Variants in CIP2A observed in about 807,000 individuals in gnomAD.
CIP2A encodes protein CIP2A.
In CIP2A, 103 loss-of-function variants were observed where a neutral mutation model predicts 110.9. That is an observed-to-expected ratio of 0.93 (90% CI 0.79 to 1.09). CIP2A has a LOEUF of 1.09. Ranked by LOEUF, CIP2A falls within the 50% of genes least tolerant of loss-of-function variation. CIP2A has a pLI of 0.00. For missense variants in CIP2A, 1,088 were observed against 1,038.4 expected (o/e 1.05, Z -0.66); for synonymous variants, 381 against 361.6 (o/e 1.05, Z -0.61).
intron 5 of CIP2A, among the ~76,000 whole-genome samples, chr3:108,581,043 T>C (rs756415530): frequency 2.0e-5 from 3 of 152,234 alleles, no homozygotes; most frequent in Non-Finnish European, 2.9e-5. Flanking sequence ...GGGGTTGCCA[T>C]TGATTTTGTG....
intron 13 of CIP2A, 136 bp from the exon 14 acceptor site, chr3:108,560,977 G>A (rs780900279): frequency 1.1e-5 from 6 of 541,006 alleles, no homozygotes; most frequent in East Asian, 3.1e-5. Flanking sequence ...TGGAGACCAT[G>A]ATGAAATGAA....
At chr3:108,585,342 T>C in intron 1 of CIP2A, 130 bp from the exon 2 acceptor site, 2 of 791,560 alleles carry the variant, frequency 2.5e-6, no homozygotes, top group Non-Finnish European at 3.9e-6. Context: ...TCACACATGC[T>C]GTGAAAAATT....
intron 8 of CIP2A, among the ~76,000 whole-genome samples, chr3:108,570,325 T>G (rs1347551346): frequency 6.6e-6 from 1 of 152,162 alleles, no homozygotes; most frequent in Non-Finnish European, 1.5e-5. Context: ...TTAATCAACT[T>G]GATAGTATCT....
rs1293000324 is a variant in CIP2A, at chr3:108,589,412, C to G, written c.-37G>C. The G allele has an allele frequency of 7.5e-6, 11 of 1,474,332 alleles. No individual in the cohort carries two copies. The highest frequency in any genetic ancestry group is 1.0e-5 in the Non-Finnish European group (11 of 1,063,958). 91.3% of individuals were successfully genotyped at this position (1,474,332 alleles called of 1,614,324 possible). Reference sequence around the variant, plus strand: ...CGGCCCGGCTTAGGGACCACCACCGCCCAGCGTGCGCCGGCCTTTAGCTTT... The same window carrying G: ...CGGCCCGGCTTAGGGACCACCACCGGCCAGCGTGCGCCGGCCTTTAGCTTT... On this transcript the variant is annotated 5_prime_UTR_variant, in exon 1 of 21. Transcript: ENST00000295746.
At chr3:108,562,421 C>T (rs886796192) in intron 13 of CIP2A, among the ~76,000 whole-genome samples, 12 of 152,024 alleles carry the variant, frequency 7.9e-5, no homozygotes, top group African/African-American at 2.7e-4. Flanking sequence ...TTTGCTGATC[C>T]CGGTATACAG....
At chr3:108,585,000 C>T in intron 2 of CIP2A, 65 bp downstream of exon 2, 1 of 1,423,140 alleles carries the variant, frequency 7.0e-7, no homozygotes, top group South Asian at 1.3e-5. Context: ...TATAACTAAG[C>T]CTGCACTTTA....
At chr3:108,583,654 T>C (rs1050910747) in intron 2 of CIP2A, among the ~76,000 whole-genome samples, 8 of 152,052 alleles carry the variant, frequency 5.3e-5, no homozygotes, top group Non-Finnish European at 1.0e-4. Context: ...TGAAGACAGA[T>C]TGATTAATGG....
At chr3:108,562,990 A>C in intron 13 of CIP2A, 136 bp downstream of exon 13, 1 of 635,306 alleles carries the variant, frequency 1.6e-6, no homozygotes, top group Non-Finnish European at 2.9e-6. Flanking sequence ...ACATTTTTAG[A>C]AATCACTTGA....
At position 108,560,032 on chromosome 3, in the gene CIP2A, C is replaced by T. The variant is rs370778599; in HGVS notation, c.1828-4G>A. 2 of 1,552,898 alleles carry T rather than the reference C, an allele frequency of 1.3e-6. No homozygotes were observed. The highest frequency in any genetic ancestry group is 8.8e-7 in the Non-Finnish European group (1 of 1,137,264). On this transcript the variant is annotated splice_region_variant and splice_polypyrimidine_tract_variant and intron_variant, in intron 14 of 20. Transcript: ENST00000295746. Reference sequence around the variant, plus strand: ...CATCACAAATCTGATCCTTTACCTACATTTTAAGAGTAAAAAAACTTAAAA... The same window carrying T: ...CATCACAAATCTGATCCTTTACCTATATTTTAAGAGTAAAAAAACTTAAAA...
chr3:108,555,217 G>A (rs1245789379), intron 17 of CIP2A, among the ~76,000 whole-genome samples: 2 of 152,094 alleles, frequency 1.3e-5, no homozygotes, highest in Admixed American at 6.6e-5. Context: ...TAGAAACCAC[G>A]TATTTTTCTT....
At chr3:108,582,374 C>G (rs928713007) in intron 3 of CIP2A, among the ~76,000 whole-genome samples, 172 bp from the exon 4 acceptor site, 15 of 152,190 alleles carry the variant, frequency 9.9e-5, no homozygotes, top group African/African-American at 3.6e-4. Context: ...TCAATTCACA[C>G]ATTTCTACGT....
intron 16 of CIP2A, 116 bp downstream of exon 16, chr3:108,559,641 T>C: frequency 4.0e-6 from 2 of 498,678 alleles, no homozygotes; most frequent in Non-Finnish European, 6.7e-6. Context: ...GAAGGAGGCA[T>C]GTCAAATGCT....
intron 8 of CIP2A, among the ~76,000 whole-genome samples, chr3:108,573,925 T>C (rs1938482867): frequency 6.6e-6 from 1 of 152,052 alleles, no homozygotes. Context: ...TGTAGGAAGA[T>C]TACAGATCTA....
At chr3:108,580,436 A>AACACACACAC (rs375166090) in intron 5 of CIP2A, among the ~76,000 whole-genome samples, 3,729 of 142,194 alleles carry the variant, frequency 0.026, 63 homozygotes, top group Non-Finnish European at 0.04. Context: ...CAGAAATTGA[A>AACACACACAC]ACACACACAC....
chr3:108,551,237 T>G lies in CIP2A; in HGVS notation c.2630A>C (p.Glu877Ala), dbSNP rs1435651546. The G allele has an allele frequency of 2.5e-6, 4 of 1,612,368 alleles. No individual in the cohort carries two copies. Among genetic ancestry groups the G allele is most frequent in the Non-Finnish European group, 3.4e-6 (4 of 1,178,964 alleles). The change falls in exon 21 of 21, where the codon GAA becomes GCA. Residue 877 changes from glutamate (E) to alanine (A), a missense_variant. Transcript: ENST00000295746. ...KESLVKLQQEELNKHSHMIAM... is the reference protein window; with the variant it reads ...KESLVKLQQEALNKHSHMIAM... ...TATCATGTGGGAGTGTTTGTTCAAT[T>G]CCTCTTGCTGAAGTTTCACCAAGGA...
At chr3:108,583,930 A>G (rs917410678) in intron 2 of CIP2A, among the ~76,000 whole-genome samples, 10 of 152,182 alleles carry the variant, frequency 6.6e-5, no homozygotes, top group Non-Finnish European at 1.2e-4. Context: ...AAAGATTATC[A>G]TTTCAATTTT....
At position 108,550,976 on chromosome 3, in the gene CIP2A, T is replaced by A; in HGVS notation, c.*173A>T. ...AAAAGTAAAACTTAGAAAATTAAAT[T>A]TCTATTCAAACTATCAAATAAAAAA... On this transcript the variant is annotated 3_prime_UTR_variant, in exon 21 of 21. Transcript: ENST00000295746. The A allele has an allele frequency of 2.6e-6, 1 of 379,284 alleles. No homozygotes were observed. The highest frequency in any genetic ancestry group is 4.6e-6 in the Non-Finnish European group (1 of 217,620). 23.5% of individuals were successfully genotyped at this position (379,284 alleles called of 1,614,324 possible).
At position 108,550,705 on chromosome 3, in the gene CIP2A, C is replaced by CT. The variant is rs1335001631; in HGVS notation, c.*443dup. The CT allele has an allele frequency of 6.6e-6, 1 of 151,788 alleles. No individual in the cohort carries two copies. The highest frequency in any genetic ancestry group is 1.9e-4 in the East Asian group (1 of 5,198). The allele number at this position is 151,788 out of a possible 1,614,324, so 9.4% of individuals were successfully genotyped here. The stretch of plus-strand genomic sequence containing the variant: ...CTAGCAGTAAAATCATACCTTCTCT[C>CT]TTTTTACTTTACTTTTTACTTTTAC... On this transcript the variant is annotated 3_prime_UTR_variant, in exon 21 of 21. Transcript: ENST00000295746.
chr3:108,579,719 G>A, intron 5 of CIP2A, 31 bp from the exon 6 acceptor site: 1 of 1,395,924 alleles, frequency 7.2e-7, no homozygotes, highest in Middle Eastern at 2.1e-4. Flanking sequence ...AAATAAATTA[G>A]AATTATAAAT....
Sources: allele counts gnomAD v4.1 joint callset (sites outside exome capture counted in the v4.1 genomes callset), GRCh38; gene constraint gnomAD v4.1.1; transcripts MANE v1.5; gene names NCBI Gene and HGNC (gene_info 2026-07-23, HGNC 2026-07-21).